Variants in FGD4 observed in about 807,000 individuals in gnomAD.
FGD4 encodes FYVE, RhoGEF and PH domain containing 4.
Under a neutral mutation model 102.0 loss-of-function variants are expected in FGD4, and 42 were observed. The ratio of observed to expected loss-of-function variants is 0.41; its 90% CI spans 0.32 to 0.53. The LOEUF (loss-of-function observed/expected upper bound fraction) is 0.53, where lower values mean the gene tolerates loss of function less well. Ranked by LOEUF, FGD4 falls within the 20% of genes least tolerant of loss-of-function variation. FGD4 has a pLI of 0.21. For synonymous variants in FGD4, 380 were observed against 375.7 expected, an observed-to-expected ratio of 1.01 and a Z score of -0.13; for missense variants, 902 against 1,078.2, an observed-to-expected ratio of 0.84 and a Z score of 2.29.
chr12:32,561,732 A>C (rs1944610363), intron 1 of FGD4, among the ~76,000 whole-genome samples: 1 of 152,220 alleles, frequency 6.6e-6, no homozygotes. Flanking sequence ...GAGAACACTG[A>C]CACATGACTT....
At chr12:32,555,377 C>T (rs1191020314) in intron 1 of FGD4, among the ~76,000 whole-genome samples, 5 of 151,924 alleles carry the variant, frequency 3.3e-5, no homozygotes, top group African/African-American at 9.7e-5. Flanking sequence ...TGAGATGGCT[C>T]TTAGACATAC....
intron 1 of FGD4, among the ~76,000 whole-genome samples, chr12:32,405,570 C>A (rs1321702777): frequency 2.0e-5 from 3 of 152,100 alleles, no homozygotes; most frequent in Admixed American, 1.3e-4. Context: ...AGTCAGTGGT[C>A]TTTTAATGAA....
At chr12:32,409,973 C>G (rs1413781813) in intron 1 of FGD4, among the ~76,000 whole-genome samples, 1 of 148,932 alleles carries the variant, frequency 6.7e-6, no homozygotes, top group African/African-American at 2.5e-5. Flanking sequence ...CAAAATCAGC[C>G]TGGGTAACGT....
At chr12:32,633,804 C>T (rs1950634565) in intron 15 of FGD4, 115 bp downstream of exon 15, 1 of 950,760 alleles carries the variant, frequency 1.1e-6, no homozygotes, top group African/African-American at 1.7e-5. Flanking sequence ...CAACCTCAGC[C>T]TCCCAAGTTG....
chr12:32,449,799 G>T (rs1486273116), intron 1 of FGD4, among the ~76,000 whole-genome samples: 2 of 152,066 alleles, frequency 1.3e-5, no homozygotes, highest in Non-Finnish European at 2.9e-5. Flanking sequence ...GTGCAGTGGT[G>T]CAATCACACC....
intron 3 of FGD4, among the ~76,000 whole-genome samples, chr12:32,578,260 C>A (rs1328392987): frequency 6.6e-6 from 1 of 152,088 alleles, no homozygotes; most frequent in African/African-American, 2.4e-5. Context: ...ATGTTATGTT[C>A]TCAGTGAGGT....
intron 1 of FGD4, among the ~76,000 whole-genome samples, chr12:32,400,970 T>C (rs548319313): frequency 2.6e-5 from 4 of 152,282 alleles, no homozygotes; most frequent in African/African-American, 4.8e-5. Context: ...CTACAGTAGA[T>C]AAGGGCAGAA....
chr12:32,504,619 A>G (rs928463523), intron 1 of FGD4, among the ~76,000 whole-genome samples: 24 of 152,244 alleles, frequency 1.6e-4, no homozygotes, highest in Middle Eastern at 3.4e-3. Flanking sequence ...ATGCTTTTCA[A>G]TTCTTCAATA....
intron 7 of FGD4, among the ~76,000 whole-genome samples, chr12:32,604,935 G>GTTTTTTT (rs1565897132): frequency 9.3e-5 from 7 of 74,940 alleles, no homozygotes; most frequent in Admixed American, 1.3e-4. Flanking sequence ...CTTTATAGCT[G>GTTTTTTT]CTTTTTTTTT....
chr12:32,478,206 G>T (rs539918856), intron 1 of FGD4, among the ~76,000 whole-genome samples: 1 of 152,152 alleles, frequency 6.6e-6, no homozygotes, highest in African/African-American at 2.4e-5. Flanking sequence ...ACATTTTCTT[G>T]ATAGCATCAG....
chr12:32,549,694 ATGGTGTGTTTAGGGACGGC>A (rs1943499279), intron 1 of FGD4, among the ~76,000 whole-genome samples: 1 of 152,234 alleles, frequency 6.6e-6, no homozygotes, highest in African/African-American at 2.4e-5. Flanking sequence ...ATGAGGGCAC[ATGGTGTGTTTAGGGACGGC>A]TGAGGCCAGT....
chr12:32,421,943 AT>A (rs1396744529), intron 1 of FGD4, among the ~76,000 whole-genome samples: 1 of 151,934 alleles, frequency 6.6e-6, no homozygotes, highest in African/African-American at 2.4e-5. Context: ...GATCGAGACC[AT>A]CCTGGCCAAC....
chr12:32,537,216 GTTA>G (rs747470376), intron 1 of FGD4, among the ~76,000 whole-genome samples: 4 of 152,036 alleles, frequency 2.6e-5, no homozygotes, highest in Non-Finnish European at 5.9e-5. Flanking sequence ...CCATAAAGCA[GTTA>G]TTATTTCTTA....
intron 1 of FGD4, among the ~76,000 whole-genome samples, chr12:32,458,613 C>T (rs767432048): frequency 6.6e-6 from 1 of 152,128 alleles, no homozygotes; most frequent in African/African-American, 2.4e-5. Context: ...CAAAGATCAT[C>T]GTTTGTTAAT....
rs1373073798 is a variant in FGD4, at chr12:32,581,055, A to G, written c.504-905A>G. Among the ~76,000 whole-genome samples the G allele has an allele frequency of 2.0e-5, 3 of 152,212 alleles. No individual in the cohort carries two copies. The East Asian group carries it at 5.8e-4, about 29-fold the overall frequency. ...TAGTGATGGAGAGTGCTGTTATGAT[A>G]GATGAATCTAGGAAAGCCTCTTTGG... On this transcript the variant is annotated intron_variant, in intron 3 of 16. Coordinates refer to ENST00000534526, the MANE Select transcript of FGD4 (RefSeq NM_001370298.3).
At chr12:32,609,063 C>T (rs922183804) in intron 8 of FGD4, among the ~76,000 whole-genome samples, 2 of 152,112 alleles carry the variant, frequency 1.3e-5, no homozygotes, top group African/African-American at 4.8e-5. Context: ...GGGTTTTCAC[C>T]ATGTTGGCCA....
chr12:32,622,890 GC>G (rs1373254995), intron 11 of FGD4, among the ~76,000 whole-genome samples: 1 of 152,200 alleles, frequency 6.6e-6, no homozygotes, highest in African/African-American at 2.4e-5. Flanking sequence ...ACTGCACCCA[GC>G]CTATCATGCT....
Position 32,645,456 on chromosome 12 carries a change from A to G in FGD4, c.*4923A>G, listed in dbSNP as rs1592528306. 6.6e-6 allele frequency: 1 copy of G among 152,202 alleles called. No individual in the cohort carries two copies. The allele number at this position is 152,202 out of a possible 1,614,324, so 9.4% of individuals were successfully genotyped here. ...CAGGAGTTTGAGACCAGCCTGGCCA[A>G]CATGGTGAAACCCTGTCTCTACTAA... On this transcript the variant is annotated 3_prime_UTR_variant, in exon 17 of 17. Coordinates refer to ENST00000534526, the MANE Select transcript of FGD4 (RefSeq NM_001370298.3).
intron 15 of FGD4, among the ~76,000 whole-genome samples, chr12:32,636,890 A>G (rs1179585820): frequency 1.4e-4 from 16 of 116,468 alleles, no homozygotes; most frequent in Non-Finnish European, 2.5e-4. Context: ...TTTTTTTTTT[A>G]GACAGAGTCT....
Sources: gnomAD v4.1 joint callset for allele counts (sites outside exome capture counted in the v4.1 genomes callset) on GRCh38, gnomAD v4.1.1 for gene constraint, MANE v1.5 for transcripts, NCBI Gene and HGNC (gene_info 2026-07-23, HGNC 2026-07-21) for gene names.